The following ST3GAL6 variants were observed in gnomAD, a reference collection of about 807,000 sequenced individuals.
The protein encoded by ST3GAL6 is type 2 lactosamine alpha-2,3-sialyltransferase.
A neutral mutation model predicts 40.5 loss-of-function variants in ST3GAL6; 31 were observed. The observed-to-expected ratio is 0.77, with a 90% CI of 0.58 to 1.03. The LOEUF (loss-of-function observed/expected upper bound fraction) is 1.03, where lower values mean the gene tolerates loss of function less well. Ranked by LOEUF, ST3GAL6 falls within the 50% of genes least tolerant of loss-of-function variation. The pLI, the probability that ST3GAL6 is intolerant of heterozygous loss-of-function variation, is 0.00. For missense variants in ST3GAL6, 357 were observed against 393.2 expected (o/e 0.91, Z 0.78); for synonymous variants, 129 against 136.9 (o/e 0.94, Z 0.40).
intron 1 of ST3GAL6, among the ~76,000 whole-genome samples, chr3:98,744,138 T>A (rs1409187900): frequency 1.3e-5 from 2 of 152,168 alleles, no homozygotes; most frequent in East Asian, 1.9e-4. Context: ...TGCCCAAGAT[T>A]GGTGGCAGAG....
chr3:98,738,365 A>T (rs962934012), intron 1 of ST3GAL6, among the ~76,000 whole-genome samples: 1 of 151,818 alleles, frequency 6.6e-6, no homozygotes, highest in African/African-American at 2.4e-5. Context: ...CCTCAGCCTC[A>T]TGGGCACAAG....
chr3:98,764,144 C>T (rs775862333), intron 1 of ST3GAL6, among the ~76,000 whole-genome samples: 17 of 152,090 alleles, frequency 1.1e-4, no homozygotes, highest in Non-Finnish European at 2.4e-4. Context: ...AGATACCCAC[C>T]GGGTTTTTCT....
Position 98,768,459 on chromosome 3 carries a change from G to C in ST3GAL6, c.19G>C (p.Ala7Pro). 1.2e-6 allele frequency: 2 copies of C among 1,613,792 alleles called. No homozygotes were observed. The highest frequency in any genetic ancestry group is 1.7e-6 in the Non-Finnish European group (2 of 1,179,810). MRGYLV[A>P]IFLSAVFLYY... ...GCCAGCCATGAGAGGGTATCTTGTG[G>C]CCATATTCCTGAGTGCTGTCTTCCT... is the stretch of plus-strand genomic sequence containing the variant. The change falls in exon 2 of 10, where the codon GCC (alanine) becomes CCC (proline). Residue 7 changes from alanine (A) to proline (P), a missense_variant. Ala to Pro is a conservative substitution (Grantham distance 27). Coordinates refer to ENST00000483910, the MANE Select transcript of ST3GAL6 (RefSeq NM_001323368.2).
At chr3:98,781,315 C>A (rs1576115077) in intron 5 of ST3GAL6, among the ~76,000 whole-genome samples, 1 of 152,182 alleles carries the variant, frequency 6.6e-6, no homozygotes, top group East Asian at 1.9e-4. Flanking sequence ...ACATCACACA[C>A]TGGGGCCTGT....
In ST3GAL6 at chr3:98,788,032, A is replaced by C. The variant is rs761051848; in HGVS notation, c.432-4A>C. Reference sequence around the variant, plus strand: ...ACATATCTTGTATGTTTTACTATCCACAGAATGAATAATGGTCCTGTTTTA... The same window carrying C: ...ACATATCTTGTATGTTTTACTATCCCCAGAATGAATAATGGTCCTGTTTTA... On this transcript the variant is annotated splice_region_variant and splice_polypyrimidine_tract_variant and intron_variant, in intron 6 of 9. Transcript: ENST00000483910. 36 of 1,611,058 alleles carry C rather than the reference A, an allele frequency of 2.2e-5. No individual in the cohort carries two copies. The South Asian group carries it at 3.6e-4, about 16-fold the overall frequency.
Position 98,793,933 on chromosome 3 carries a change from T to A in ST3GAL6, c.*172T>A, listed in dbSNP as rs1050740548. On this transcript the variant is annotated 3_prime_UTR_variant, in exon 10 of 10. Coordinates refer to ENST00000483910, the MANE Select transcript of ST3GAL6 (RefSeq NM_001323368.2). ...CTGTGAATACTGTATATTTAACTTA[T>A]GAAAACCAAGAAATGTAAAGATAAC... 8 of 398,716 alleles carry A rather than the reference T, an allele frequency of 2.0e-5. No homozygotes were observed. The highest frequency in any genetic ancestry group is 9.0e-5 in the Admixed American group (2 of 22,334). 24.7% of individuals were successfully genotyped at this position (398,716 alleles called of 1,614,324 possible).
upstream of ST3GAL6, among the ~76,000 whole-genome samples, chr3:98,761,263 A>G (rs1442907738): frequency 6.6e-6 from 1 of 152,170 alleles, no homozygotes; most frequent in Non-Finnish European, 1.5e-5. Context: ...TGGACAGTAT[A>G]GTGAGACCCT....
intron 2 of ST3GAL6, among the ~76,000 whole-genome samples, chr3:98,769,952 T>TG (rs1362008576): frequency 6.6e-6 from 1 of 152,160 alleles, no homozygotes; most frequent in Non-Finnish European, 1.5e-5. Flanking sequence ...AAGGAGTCCT[T>TG]GCCATTGTGG....
intron 1 of ST3GAL6, among the ~76,000 whole-genome samples, chr3:98,765,987 C>T (rs950469941): frequency 1.3e-5 from 2 of 152,088 alleles, no homozygotes; most frequent in Non-Finnish European, 1.5e-5. Flanking sequence ...CTGGCTGGCC[C>T]GTGTCCTTTG....
Position 98,793,672 on chromosome 3 carries a change from T to C in ST3GAL6, c.910-3T>C. The C allele has an allele frequency of 6.4e-7, 1 of 1,571,894 alleles. No homozygotes were observed. The highest frequency in any genetic ancestry group is 8.6e-7 in the Non-Finnish European group (1 of 1,160,516). ...TGATGGTAATTGTATTTTTCTTCTT[T>C]AGAACGCGTATCACAATGTGACTGC... On this transcript the variant is annotated splice_polypyrimidine_tract_variant and splice_region_variant and intron_variant, in intron 9 of 9. Transcript: ENST00000483910.
intron 6 of ST3GAL6, 23 bp from the exon 7 acceptor site, chr3:98,788,013 C>T: frequency 1.2e-6 from 2 of 1,601,240 alleles, no homozygotes; most frequent in Non-Finnish European, 1.7e-6. Context: ...GTCTACATAT[C>T]TTGTATGTTT....
At chr3:98,762,967 A>T, upstream of ST3GAL6, 2 of 985,434 alleles carry the variant, frequency 2.0e-6, no homozygotes, top group Non-Finnish European at 2.4e-6. Context: ...GATCCTTGGG[A>T]TATGAATGAA....
intron 5 of ST3GAL6, among the ~76,000 whole-genome samples, chr3:98,774,898 T>G (rs112077878): frequency 1.3e-5 from 2 of 152,210 alleles, no homozygotes; most frequent in Non-Finnish European, 2.9e-5. Flanking sequence ...TTCATTTCAG[T>G]TTTTTATAAC....
rs1941415717 is a variant in ST3GAL6 at position 98,793,996 on chromosome 3, G to A, written c.*235G>A. 9.6e-6 allele frequency: 3 copies of A among 313,774 alleles called. No homozygotes were observed. Among genetic ancestry groups the A allele is most frequent in the Non-Finnish European group, 1.7e-5 (3 of 171,850 alleles). The allele number at this position is 313,774 out of a possible 1,614,324, so 19.4% of individuals were successfully genotyped here. A position where few individuals can be genotyped will look rare whatever the true frequency, so the allele number is the denominator to read the frequency against. ...TTTGATTGCATTGTTTTTAAAATAA[G>A]CTAGTTTTCTGAGGTGTTTTCACAC... On this transcript the variant is annotated 3_prime_UTR_variant, in exon 10 of 10. Transcript: ENST00000483910.
At position 98,784,874 on chromosome 3, in the gene ST3GAL6, G is replaced by C. The variant is rs1391921139; in HGVS notation, c.336-71G>C. On this transcript the variant is annotated intron_variant, in intron 5 of 9. Transcript: ENST00000483910. ...GGAATTTGGCACTGGGTTTCTGACA[G>C]TATGCATGGATTCTTGGAATCAGTT... The C allele has an allele frequency of 3.2e-6, 4 of 1,253,534 alleles. No individual in the cohort carries two copies. The Admixed American group carries it at 7.5e-5, about 23-fold the overall frequency. 77.7% of individuals were successfully genotyped at this position (1,253,534 alleles called of 1,614,324 possible). A position where few individuals can be genotyped will look rare whatever the true frequency, so the allele number is the denominator to read the frequency against.
In ST3GAL6 at chr3:98,788,399, CTT is replaced by C; in HGVS notation, c.694_695del (p.Phe232HisfsTer8). 1 of 1,613,026 alleles carries C rather than the reference CTT, an allele frequency of 6.2e-7. No homozygotes were observed. The highest frequency in any genetic ancestry group is 8.5e-7 in the Non-Finnish European group (1 of 1,179,672). On this transcript the variant is annotated frameshift_variant, in exon 8 of 10. Coordinates refer to ENST00000483910, the MANE Select transcript of ST3GAL6 (RefSeq NM_001323368.2). LOFTEE classifies it high-confidence loss of function. ...CCTTATCAAATCCGAATATTAGATCCTTTCATTATCAGAACAGCAGCTTATGA... is the reference window on the plus strand; with the variant it reads ...CCTTATCAAATCCGAATATTAGATCCTCATTATCAGAACAGCAGCTTATGA...
At chr3:98,787,355 T>C (rs758255081) in intron 6 of ST3GAL6, among the ~76,000 whole-genome samples, 8 of 152,196 alleles carry the variant, frequency 5.3e-5, no homozygotes, top group Non-Finnish European at 8.8e-5. Flanking sequence ...AGTATTTATC[T>C]CTTTGGGGAC....
At chr3:98,757,972 G>A (rs1326718254) in intron 1 of ST3GAL6, among the ~76,000 whole-genome samples, 1 of 151,924 alleles carries the variant, frequency 6.6e-6, no homozygotes, top group Non-Finnish European at 1.5e-5. Flanking sequence ...AGTAGCTTGG[G>A]ACTACAGGCG....
intron 1 of ST3GAL6, among the ~76,000 whole-genome samples, chr3:98,746,512 A>G (rs1477004703): frequency 1.3e-5 from 2 of 151,752 alleles, no homozygotes; most frequent in African/African-American, 2.4e-5. Context: ...TTTGTATTGT[A>G]TTTTCTAGAC....
Sources: gnomAD v4.1 joint callset for allele counts (sites outside exome capture counted in the v4.1 genomes callset) on GRCh38, gnomAD v4.1.1 for gene constraint, MANE v1.5 for transcripts, NCBI Gene and HGNC (gene_info 2026-07-23, HGNC 2026-07-21) for gene names.